RCOR1: variants seen among roughly 807,000 people sequenced by gnomAD.
RCOR1 encodes the protein REST corepressor.
In RCOR1, 12 loss-of-function variants were observed where a neutral mutation model predicts 64.0. The ratio of observed to expected loss-of-function variants is 0.19; its 90% CI spans 0.12 to 0.30. The LOEUF is 0.30. Ranked by LOEUF, RCOR1 falls within the 10% of genes least tolerant of loss-of-function variation. RCOR1 has a pLI of 1.00. For missense variants in RCOR1, 502 were observed against 621.2 expected, an observed-to-expected ratio of 0.81 and a Z score of 2.04; for synonymous variants, 279 against 227.2, an observed-to-expected ratio of 1.23 and a Z score of -2.05.
chr14:102,646,157 GA>G (rs1376022881), intron 2 of RCOR1, among the ~76,000 whole-genome samples: 1 of 152,188 alleles, frequency 6.6e-6, no homozygotes, highest in Non-Finnish European at 1.5e-5. Context: ...ATCAGCTCTA[GA>G]AAAATGTAAT....
intron 2 of RCOR1, among the ~76,000 whole-genome samples, chr14:102,631,571 T>C (rs1486909518): frequency 6.6e-6 from 1 of 152,080 alleles, no homozygotes; most frequent in Non-Finnish European, 1.5e-5. Context: ...AGACATAAAC[T>C]GGAACTGTCC....
chr14:102,637,333 G>C (rs552039471), intron 2 of RCOR1, among the ~76,000 whole-genome samples: 1 of 151,942 alleles, frequency 6.6e-6, no homozygotes. Context: ...TACTATGTTG[G>C]TGAGGCTGGT....
intron 2 of RCOR1, among the ~76,000 whole-genome samples, chr14:102,595,629 G>A (rs1893226547): frequency 6.6e-6 from 1 of 150,678 alleles, no homozygotes; most frequent in African/African-American, 2.4e-5. Context: ...TCAGGCTGGA[G>A]TGCGCAGTGG....
intron 2 of RCOR1, among the ~76,000 whole-genome samples, chr14:102,632,326 C>G (rs892420293): frequency 1.3e-5 from 2 of 151,028 alleles, no homozygotes; most frequent in Non-Finnish European, 2.9e-5. Context: ...ACGCCATTCT[C>G]CTGCCTCAGC....
chr14:102,653,642 T>TA (rs1361538647), intron 2 of RCOR1, among the ~76,000 whole-genome samples: 1 of 152,112 alleles, frequency 6.6e-6, no homozygotes. Flanking sequence ...TGGGGGTGGA[T>TA]ATCCCCCTTG....
intron 2 of RCOR1, among the ~76,000 whole-genome samples, chr14:102,681,634 G>A (rs1224357767): frequency 6.6e-6 from 1 of 152,144 alleles, no homozygotes; most frequent in Non-Finnish European, 1.5e-5. Context: ...TGGCACCTGT[G>A]GATTTCTTCT....
rs1672979147 is a variant in RCOR1, at chr14:102,727,426, T to G, written c.*920T>G. 6.6e-6 allele frequency: 1 copy of G among 152,606 alleles called. No homozygotes were observed. The highest frequency in any genetic ancestry group is 2.1e-4 in the South Asian group (1 of 4,828). The allele number at this position is 152,606 out of a possible 1,614,324, so 9.5% of individuals were successfully genotyped here. A position where few individuals can be genotyped will look rare whatever the true frequency, so the allele number is the denominator to read the frequency against. On this transcript the variant is annotated 3_prime_UTR_variant, in exon 12 of 12. Transcript: ENST00000262241. ...TAGTGTCTTATTTCTTCTTTCAAGT[T>G]ATTTGCTAGCCAAAGATGACATCAC...
At chr14:102,700,390 T>A (rs1207789126) in intron 3 of RCOR1, among the ~76,000 whole-genome samples, 1 of 151,972 alleles carries the variant, frequency 6.6e-6, no homozygotes, top group Non-Finnish European at 1.5e-5. Context: ...CCTGGCTAAT[T>A]TTTGTATTTT....
chr14:102,623,430 A>G lies in RCOR1; in HGVS notation c.361+30105A>G, dbSNP rs552022518. Among the ~76,000 whole-genome samples, 5 of 139,182 alleles carry G rather than the reference A, an allele frequency of 3.6e-5. No homozygotes were observed. The East Asian group carries it at 6.0e-4, about 17-fold the overall frequency. 91.3% of individuals were successfully genotyped at this position (139,182 alleles called of 152,430 possible). On this transcript the variant is annotated intron_variant, in intron 2 of 11. Coordinates refer to ENST00000262241, the MANE Select transcript of RCOR1 (RefSeq NM_015156.4). ...TATTTATTTATTTATTTATTTTGAG[A>G]CGGAGTCTCGCTCTGTCGCCCAGGC... is the stretch of plus-strand genomic sequence containing the variant.
chr14:102,662,363 A>C, intron 2 of RCOR1: 1 of 566,704 alleles, frequency 1.8e-6, no homozygotes, highest in Admixed American at 1.9e-5. Flanking sequence ...AATGTCATAG[A>C]GCTTCTTCAC....
At chr14:102,712,339 C>A (rs918679653) in intron 7 of RCOR1, among the ~76,000 whole-genome samples, 11 of 151,872 alleles carry the variant, frequency 7.2e-5, no homozygotes, top group Non-Finnish European at 1.3e-4. Flanking sequence ...CATGCCACCA[C>A]GCCCTGCTAG....
At position 102,635,082 on chromosome 14, in the gene RCOR1, C is replaced by T. The variant is rs185846645; in HGVS notation, c.361+41757C>T. ...CTCCTGGCCTCAAGCAGTCCTCCTG[C>T]CTTGGCCTCCTAAAGTGCTAGGATT... On this transcript the variant is annotated intron_variant, in intron 2 of 11. Transcript: ENST00000262241. Among the ~76,000 whole-genome samples the T allele has an allele frequency of 4.2e-3, 641 of 152,146 alleles. 5 individuals are homozygous for T. Among genetic ancestry groups the T allele is most frequent in the African/African-American group, 0.015 (602 of 41,512 alleles).
intron 2 of RCOR1, among the ~76,000 whole-genome samples, chr14:102,678,095 C>T (rs1265561760): frequency 2.6e-5 from 4 of 151,322 alleles, no homozygotes; most frequent in Non-Finnish European, 5.9e-5. Context: ...CGCAGGCACT[C>T]GGCAGGCTGA....
At chr14:102,642,466 C>A (rs564765949) in intron 2 of RCOR1, among the ~76,000 whole-genome samples, 13 of 152,104 alleles carry the variant, frequency 8.5e-5, no homozygotes, top group Non-Finnish European at 1.6e-4. Context: ...AGGGTTGATA[C>A]AAGGAGGAAG....
At chr14:102,594,113 C>T (rs1323111843) in intron 2 of RCOR1, among the ~76,000 whole-genome samples, 1 of 151,830 alleles carries the variant, frequency 6.6e-6, no homozygotes, top group African/African-American at 2.4e-5. Context: ...TAAAGTGGTA[C>T]AAGAAAAAAA....
At chr14:102,597,108 GGTGAT>G (rs775095190) in intron 2 of RCOR1, among the ~76,000 whole-genome samples, 6 of 151,666 alleles carry the variant, frequency 4.0e-5, no homozygotes, top group Non-Finnish European at 7.4e-5. Context: ...CCTGACCTCA[GGTGAT>G]CTGCCCCCCT....
At chr14:102,632,021 G>A (rs932504981) in intron 2 of RCOR1, among the ~76,000 whole-genome samples, 1 of 150,962 alleles carries the variant, frequency 6.6e-6, no homozygotes, top group Admixed American at 6.6e-5. Flanking sequence ...TGTTGGCCAG[G>A]CTGGTCTTGA....
At chr14:102,658,548 T>C in intron 2 of RCOR1, 1 of 985,390 alleles carries the variant, frequency 1.0e-6, no homozygotes, top group Non-Finnish European at 1.2e-6. Context: ...TTTTAGAATG[T>C]GACTCTTTTC....
At position 102,726,856 on chromosome 14, in the gene RCOR1, T is replaced by G. The variant is rs753173591; in HGVS notation, c.*350T>G. The G allele has an allele frequency of 6.8e-6, 2 of 292,070 alleles. No homozygotes were observed. Among genetic ancestry groups the G allele is most frequent in the Non-Finnish European group, 6.3e-6 (1 of 158,630 alleles). 18.1% of individuals were successfully genotyped at this position (292,070 alleles called of 1,614,324 possible). ...GTCAGCAGCTTCAGAGCAGGCAGTCTCCTTGGAAGGCCCGACTCTGTTCCT... is the reference window on the plus strand; with the variant it reads ...GTCAGCAGCTTCAGAGCAGGCAGTCGCCTTGGAAGGCCCGACTCTGTTCCT... On this transcript the variant is annotated 3_prime_UTR_variant, in exon 12 of 12. Transcript: ENST00000262241.
Sources: gnomAD v4.1 joint callset for allele counts (sites outside exome capture counted in the v4.1 genomes callset) on GRCh38, gnomAD v4.1.1 for gene constraint, MANE v1.5 for transcripts, NCBI Gene and HGNC (gene_info 2026-07-23, HGNC 2026-07-21) for gene names.